Variants in ARMC1 observed in about 807,000 individuals in gnomAD.
The protein encoded by ARMC1 is armadillo repeat containing 1.
A neutral mutation model predicts 31.4 loss-of-function variants in ARMC1; 16 were observed. That is an observed-to-expected ratio of 0.51 (90% CI 0.34 to 0.77). The LOEUF is 0.77. Among genes scored for constraint, ARMC1 ranks in the 30% least tolerant of loss-of-function variants. ARMC1 has a pLI of 0.01. For missense variants in ARMC1, 259 were observed against 347.5 expected (o/e 0.75, Z 2.02); for synonymous variants, 114 against 118.9 (o/e 0.96, Z 0.27).
intron 4 of ARMC1, among the ~76,000 whole-genome samples, 193 bp from the exon 5 acceptor site, chr8:65,605,731 T>C (rs527435578): frequency 6.6e-6 from 1 of 152,198 alleles, no homozygotes; most frequent in East Asian, 1.9e-4. Context: ...AGAATAGTAA[T>C]TCCTGCTAAA....
At chr8:65,615,276 A>G (rs1466927607) in intron 3 of ARMC1, among the ~76,000 whole-genome samples, 1 of 152,102 alleles carries the variant, frequency 6.6e-6, no homozygotes, top group African/African-American at 2.4e-5. Context: ...CAGCATTTTT[A>G]TTGATAGCTA....
At chr8:65,633,414 A>C (rs1808694716) in intron 1 of ARMC1, among the ~76,000 whole-genome samples, 1 of 152,196 alleles carries the variant, frequency 6.6e-6, no homozygotes. Context: ...TAAAGTAAGA[A>C]CGCGAAATGG....
intron 3 of ARMC1, among the ~76,000 whole-genome samples, chr8:65,621,056 C>T (rs751254311): frequency 5.3e-5 from 8 of 152,130 alleles, no homozygotes; most frequent in Non-Finnish European, 1.0e-4. Flanking sequence ...CATGATCATA[C>T]CACTGCACTC....
intron 2 of ARMC1, among the ~76,000 whole-genome samples, chr8:65,626,910 G>C (rs1434273587): frequency 6.6e-6 from 1 of 151,940 alleles, no homozygotes; most frequent in Admixed American, 6.6e-5. Context: ...AGCTACTTGG[G>C]AGGCTGAGGT....
At chr8:65,631,665 T>A (rs1370894782) in intron 1 of ARMC1, among the ~76,000 whole-genome samples, 1 of 152,206 alleles carries the variant, frequency 6.6e-6, no homozygotes, top group Non-Finnish European at 1.5e-5. Context: ...CTAACCCCAA[T>A]CATGTATTAG....
At chr8:65,620,799 T>TAAAAAAAAAAC (rs112946805) in intron 3 of ARMC1, among the ~76,000 whole-genome samples, 1 of 139,144 alleles carries the variant, frequency 7.2e-6, no homozygotes, top group Non-Finnish European at 1.5e-5. Context: ...TAGTTCCATT[T>TAAAAAAAAAAC]AAAAAAAAAC....
At chr8:65,614,427 T>G (rs1028821250) in intron 3 of ARMC1, among the ~76,000 whole-genome samples, 1 of 152,222 alleles carries the variant, frequency 6.6e-6, no homozygotes. Flanking sequence ...TAAAAAAAAT[T>G]AATTTACCTT....
intron 4 of ARMC1, among the ~76,000 whole-genome samples, chr8:65,612,638 G>A (rs1042515721): frequency 4.6e-5 from 7 of 151,540 alleles, no homozygotes; most frequent in African/African-American, 1.7e-4. Flanking sequence ...TGAGGCAGGC[G>A]GACCACCTGA....
intron 2 of ARMC1, among the ~76,000 whole-genome samples, chr8:65,623,239 C>T (rs1364697117): frequency 3.6e-5 from 5 of 140,212 alleles, no homozygotes; most frequent in Non-Finnish European, 6.0e-5. Flanking sequence ...ACCGGGGAGG[C>T]GGAGGTTGCA....
At chr8:65,612,306 A>C (rs1031744169) in intron 4 of ARMC1, among the ~76,000 whole-genome samples, 2 of 152,064 alleles carry the variant, frequency 1.3e-5, no homozygotes, top group African/African-American at 4.8e-5. Context: ...AAACTTAAAA[A>C]TTAGCCAGGC....
chr8:65,622,358 C>CA lies in ARMC1; in HGVS notation c.184-5dup. ...ATTCTGCCAAGTATCGAAGAGCCTACAGCAGAAGAAGTAATAAGTTAATTC... is the reference window on the plus strand; with the variant it reads ...ATTCTGCCAAGTATCGAAGAGCCTACAAGCAGAAGAAGTAATAAGTTAATTC... On this transcript the variant is annotated splice_polypyrimidine_tract_variant and splice_region_variant and intron_variant, in intron 2 of 6. Transcript: ENST00000276569. 1 of 1,612,042 alleles carries CA rather than the reference C, an allele frequency of 6.2e-7. No individual in the cohort carries two copies. The highest frequency in any genetic ancestry group is 8.5e-7 in the Non-Finnish European group (1 of 1,178,554).
At chr8:65,618,261 G>A (rs1046654973) in intron 3 of ARMC1, among the ~76,000 whole-genome samples, 2 of 151,554 alleles carry the variant, frequency 1.3e-5, no homozygotes, top group Non-Finnish European at 1.5e-5. Context: ...AGTGGCTCAC[G>A]CCTGTAATCC....
intron 4 of ARMC1, among the ~76,000 whole-genome samples, chr8:65,606,843 A>C (rs1049707200): frequency 6.6e-6 from 1 of 152,196 alleles, no homozygotes; most frequent in Non-Finnish European, 1.5e-5. Flanking sequence ...AGACATATCC[A>C]CTTGACCATC....
rs1223681036 is a variant in ARMC1 at position 65,602,683 on chromosome 8, A to G, written c.*1711T>C. The G allele has an allele frequency of 6.6e-6, 1 of 152,208 alleles. No homozygotes were observed. The highest frequency in any genetic ancestry group is 1.9e-4 in the East Asian group (1 of 5,200). 9.4% of individuals were successfully genotyped at this position (152,208 alleles called of 1,614,324 possible). On this transcript the variant is annotated 3_prime_UTR_variant, in exon 7 of 7. Transcript: ENST00000276569. ...GTGTGGCAATGCAAAATAAAATACAAATTTGTTAGAACAGTAAAGTTTGCT... is the reference window on the plus strand; with the variant it reads ...GTGTGGCAATGCAAAATAAAATACAGATTTGTTAGAACAGTAAAGTTTGCT...
intron 3 of ARMC1, among the ~76,000 whole-genome samples, chr8:65,619,064 A>T (rs1563416829): frequency 6.6e-6 from 1 of 152,144 alleles, no homozygotes; most frequent in Non-Finnish European, 1.5e-5. Context: ...ACAAACAAAC[A>T]GAAAAAGGCA....
At chr8:65,611,536 C>T (rs1055366878) in intron 4 of ARMC1, among the ~76,000 whole-genome samples, 2 of 151,872 alleles carry the variant, frequency 1.3e-5, no homozygotes, top group East Asian at 1.9e-4. Flanking sequence ...TGTAGTGACA[C>T]GAACATAGAT....
chr8:65,623,837 G>T (rs1480485573), intron 2 of ARMC1, among the ~76,000 whole-genome samples: 1 of 30,730 alleles, frequency 3.3e-5, no homozygotes, highest in Admixed American at 4.7e-4. Context: ...TTGTTCTTTC[G>T]CCCAGGCTGG....
intron 2 of ARMC1, among the ~76,000 whole-genome samples, chr8:65,625,180 C>A (rs1808488027): frequency 6.6e-6 from 1 of 152,116 alleles, no homozygotes; most frequent in Admixed American, 6.6e-5. Context: ...ACTCACTGAT[C>A]CCTCTCCTTA....
At chr8:65,633,417 C>T (rs1808694928) in intron 1 of ARMC1, among the ~76,000 whole-genome samples, 1 of 152,150 alleles carries the variant, frequency 6.6e-6, no homozygotes, top group Admixed American at 6.5e-5. Flanking sequence ...AGTAAGAACG[C>T]GAAATGGTAA....
Sources: gnomAD v4.1 joint callset for allele counts (sites outside exome capture counted in the v4.1 genomes callset) on GRCh38, gnomAD v4.1.1 for gene constraint, MANE v1.5 for transcripts, NCBI Gene and HGNC (gene_info 2026-07-23, HGNC 2026-07-21) for gene names.